PTPA: variants seen among roughly 807,000 people sequenced by gnomAD.
PTPA encodes the protein protein phosphatase 2 phosphatase activator, also known as serine/threonine-protein phosphatase 2A activator.
A neutral mutation model predicts 43.6 loss-of-function variants in PTPA; 13 were observed. The ratio of observed to expected loss-of-function variants is 0.30; its 90% CI spans 0.19 to 0.47. The LOEUF is 0.47. Ranked by LOEUF, PTPA falls within the 20% of genes least tolerant of loss-of-function variation. PTPA has a pLI of 0.99. For missense variants in PTPA, 329 were observed against 411.9 expected (o/e 0.80, Z 1.74); for synonymous variants, 172 against 158.2 (o/e 1.09, Z -0.66).
Position 129,142,624 on chromosome 9 carries a change from A to T in PTPA, c.894+72A>T, listed in dbSNP as rs746326857. ...TCCTGGGCTGGGGACAAAGCAAAAG[A>T]TGTGGAACCTGGGGCTCCTGCTTCC... On this transcript the variant is annotated intron_variant, in intron 9 of 9. Coordinates refer to ENST00000393370, the MANE Select transcript of PTPA (RefSeq NM_178000.3). 12 of 1,592,214 alleles carry T rather than the reference A, an allele frequency of 7.5e-6. No homozygotes were observed. The South Asian group carries it at 1.1e-4, about 15-fold the overall frequency.
intron 1 of PTPA, among the ~76,000 whole-genome samples, chr9:129,116,005 T>C (rs1588482966): frequency 6.6e-6 from 1 of 151,844 alleles, no homozygotes; most frequent in Non-Finnish European, 1.5e-5. Flanking sequence ...GGACTACAGG[T>C]GTGCGCTACC....
intron 1 of PTPA, among the ~76,000 whole-genome samples, chr9:129,113,386 G>C (rs1478696592): frequency 6.6e-6 from 1 of 151,638 alleles, no homozygotes; most frequent in Non-Finnish European, 1.5e-5. Flanking sequence ...CACCGTGCCT[G>C]GCCTATGTTT....
chr9:129,139,803 G>C (rs901485796), intron 8 of PTPA, among the ~76,000 whole-genome samples: 3 of 152,024 alleles, frequency 2.0e-5, no homozygotes, highest in Middle Eastern at 3.2e-3. Context: ...GAGAACTTGG[G>C]AGTGGAATCA....
chr9:129,111,304 G>T, upstream of PTPA: 1 of 1,136,702 alleles, frequency 8.8e-7, no homozygotes, highest in Non-Finnish European at 1.1e-6. Flanking sequence ...AGCGCTTGGC[G>T]GCCGTTGGCG....
At chr9:129,122,033 A>G (rs1006185241) in intron 2 of PTPA, among the ~76,000 whole-genome samples, 4 of 152,202 alleles carry the variant, frequency 2.6e-5, no homozygotes, top group Non-Finnish European at 4.4e-5. Context: ...GGAAAAAGGG[A>G]TGAAGAAGAA....
At position 129,142,092 on chromosome 9, in the gene PTPA, T is replaced by G. The variant is rs1239249000; in HGVS notation, c.787-353T>G. 20 of 212,360 alleles carry G rather than the reference T, an allele frequency of 9.4e-5. No homozygotes were observed. The East Asian group carries it at 1.9e-3, about 20-fold the overall frequency. 13.2% of individuals were successfully genotyped at this position (212,360 alleles called of 1,614,324 possible). ...GACACCAGAAGCTCAGGTGGAGATC[T>G]TATCTTCCTGAGGCTGCTGGATTTG... On this transcript the variant is annotated intron_variant, in intron 8 of 9. Transcript: ENST00000393370.
At chr9:129,130,031 A>G (rs1037264349) in intron 4 of PTPA, among the ~76,000 whole-genome samples, 8 of 152,178 alleles carry the variant, frequency 5.3e-5, no homozygotes, top group Admixed American at 4.6e-4. Context: ...TTGCACACCC[A>G]CTTGGAATGC....
intron 8 of PTPA, among the ~76,000 whole-genome samples, chr9:129,140,413 C>G (rs1850704830): frequency 2.0e-5 from 3 of 152,216 alleles, no homozygotes; most frequent in South Asian, 4.1e-4. Context: ...TGGGGGCAGC[C>G]TGCAGCCCCT....
intron 3 of PTPA, chr9:129,128,055 G>A (rs1462480902): frequency 1.5e-6 from 2 of 1,336,066 alleles, no homozygotes; most frequent in South Asian, 1.2e-5. Context: ...GCCGGGCACT[G>A]TGCACCTTCG....
At chr9:129,116,597 G>C (rs1389569112) in intron 1 of PTPA, among the ~76,000 whole-genome samples, 2 of 152,162 alleles carry the variant, frequency 1.3e-5, no homozygotes, top group Non-Finnish European at 1.5e-5. Context: ...GTGTTAGCCA[G>C]GATGGTCTCG....
At chr9:129,118,189 G>A (rs1259885262) in intron 1 of PTPA, among the ~76,000 whole-genome samples, 1 of 151,576 alleles carries the variant, frequency 6.6e-6, no homozygotes, top group Admixed American at 6.6e-5. Flanking sequence ...GAGTAGCTAG[G>A]ATTACAGGTG....
chr9:129,115,819 T>C (rs542370758), intron 1 of PTPA, among the ~76,000 whole-genome samples: 134 of 151,144 alleles, frequency 8.9e-4, no homozygotes, highest in Non-Finnish European at 1.6e-3. Context: ...TTTTTGTATT[T>C]TTAGTAGATA....
intron 9 of PTPA, 164 bp downstream of exon 9, chr9:129,142,716 CCATCTGGGGCATGGG>C: frequency 6.5e-7 from 1 of 1,539,802 alleles, no homozygotes; most frequent in Non-Finnish European, 8.7e-7. Flanking sequence ...TCGGAATCTC[CCATCTGGGGCATGGG>C]CAGTCAGAGA....
At chr9:129,120,017 G>C (rs974080447) in intron 1 of PTPA, among the ~76,000 whole-genome samples, 1 of 152,116 alleles carries the variant, frequency 6.6e-6, no homozygotes, top group African/African-American at 2.4e-5. Context: ...CCAACACTTT[G>C]GAGGCCAAGG....
intron 6 of PTPA, among the ~76,000 whole-genome samples, chr9:129,135,940 C>T (rs897521314): frequency 3.3e-5 from 5 of 152,170 alleles, no homozygotes; most frequent in Non-Finnish European, 4.4e-5. Flanking sequence ...CAAAACCCAC[C>T]TTCCTAATCA....
At chr9:129,142,705 C>T (rs900590467) in intron 9 of PTPA, 153 bp downstream of exon 9, 1 of 1,541,806 alleles carries the variant, frequency 6.5e-7, no homozygotes, top group Non-Finnish European at 8.7e-7. Context: ...CACTTGGGGC[C>T]TCGGAATCTC....
chr9:129,130,671 G>C (rs1361831206), intron 4 of PTPA, among the ~76,000 whole-genome samples: 1 of 152,144 alleles, frequency 6.6e-6, no homozygotes, highest in Non-Finnish European at 1.5e-5. Flanking sequence ...GGAATTACAG[G>C]TGTGAGCCAC....
At chr9:129,142,991 C>CT (rs1456308431) in intron 9 of PTPA, 11 of 1,286,536 alleles carry the variant, frequency 8.6e-6, no homozygotes, top group African/African-American at 3.0e-5. Context: ...TGTATGATCA[C>CT]TGAGTGGTGG....
chr9:129,131,632 C>A lies in PTPA; in HGVS notation c.453C>A (p.Tyr151Ter). The change falls in exon 5 of 10, where the codon TAC becomes TAA. Residue 151 changes from tyrosine (Y) to a stop codon, truncating the protein, a stop_gained. Transcript: ENST00000393370. LOFTEE classifies it high-confidence loss of function. ...TGGGGAACTCCACGCGCATTGACTACGGCACAGGTATCTGCTGCTTGTGGG... is the reference window on the plus strand; with the variant it reads ...TGGGGAACTCCACGCGCATTGACTAAGGCACAGGTATCTGCTGCTTGTGGG... ...ESVGNSTRIDYGTGHEAAFAA... is the reference protein window; with the variant it reads ...ESVGNSTRID The A allele has an allele frequency of 6.2e-7, 1 of 1,613,848 alleles. No individual in the cohort carries two copies. Among genetic ancestry groups the A allele is most frequent in the Non-Finnish European group, 8.5e-7 (1 of 1,179,702 alleles).
Sources: gnomAD v4.1 joint callset for allele counts (sites outside exome capture counted in the v4.1 genomes callset) on GRCh38, gnomAD v4.1.1 for gene constraint, MANE v1.5 for transcripts, NCBI Gene and HGNC (gene_info 2026-07-23, HGNC 2026-07-21) for gene names.